The following NCOA7 variants were observed in gnomAD, a reference collection of about 807,000 sequenced individuals.
NCOA7 encodes the protein 140 kDa estrogen receptor-associated protein.
A neutral mutation model predicts 104.3 loss-of-function variants in NCOA7; 45 were observed. The observed-to-expected ratio is 0.43, with a 90% CI of 0.34 to 0.55. NCOA7 has a LOEUF of 0.55. Among genes scored for constraint, NCOA7 ranks in the 20% least tolerant of loss-of-function variants. The pLI is 0.02. For missense variants in NCOA7, 1,041 were observed against 1,119.7 expected, an observed-to-expected ratio of 0.93 and a Z score of 1.00; for synonymous variants, 398 against 402.3, an observed-to-expected ratio of 0.99 and a Z score of 0.13.
chr6:125,836,515 C>T (rs1189747813), intron 2 of NCOA7, among the ~76,000 whole-genome samples: 1 of 152,194 alleles, frequency 6.6e-6, no homozygotes, highest in African/African-American at 2.4e-5. Flanking sequence ...TTATTTTCCC[C>T]CATCTGATAA....
chr6:125,924,675 G>A (rs1787870354), intron 13 of NCOA7, among the ~76,000 whole-genome samples: 1 of 152,204 alleles, frequency 6.6e-6, no homozygotes, highest in South Asian at 2.1e-4. Context: ...CTAAGCCAGT[G>A]AGGGAATATT....
In NCOA7 at chr6:125,915,357, T is replaced by C; in HGVS notation, c.2121T>C (p.Phe707=). 1 of 1,613,902 alleles carries C rather than the reference T, an allele frequency of 6.2e-7. No individual in the cohort carries two copies. The highest frequency in any genetic ancestry group is 2.2e-5 in the East Asian group (1 of 44,884). ...RERVDHLYTF[F]VQWSPDVYGK... ...GGGTGGATCATTTGTACACATTCTT[T>C]GTTCAGTGGTCTCCCGATGTCTATG... The change falls in exon 11 of 16, where the codon TTT becomes TTC. Residue 707 remains phenylalanine (F), a synonymous_variant. Coordinates refer to ENST00000392477, the MANE Select transcript of NCOA7 (RefSeq NM_181782.5).
exon 1 of NCOA7, chr6:125,781,229 TA>T (rs1277855634): frequency 4.6e-5 from 7 of 152,266 alleles, no homozygotes; most frequent in African/African-American, 1.7e-4. Flanking sequence ...TCAGCCGTTA[TA>T]GTTGAAGAAA....
rs1005533464 is a variant in NCOA7, at chr6:125,928,879, A to G, written c.*108A>G. 13 of 1,211,778 alleles carry G rather than the reference A, an allele frequency of 1.1e-5. No homozygotes were observed. In the East Asian group the frequency reaches 1.8e-4, roughly 16 times the overall value. The allele number at this position is 1,211,778 out of a possible 1,614,324, so 75.1% of individuals were successfully genotyped here. On this transcript the variant is annotated 3_prime_UTR_variant, in exon 16 of 16. Transcript: ENST00000392477. ...GCCCAGCCTGCCTCATCCCACCCCA[A>G]TGCTTCCTTTCTGCCATCATCTCAG... is the stretch of plus-strand genomic sequence containing the variant.
At chr6:125,834,658 G>A (rs898413784) in intron 2 of NCOA7, among the ~76,000 whole-genome samples, 2 of 152,170 alleles carry the variant, frequency 1.3e-5, no homozygotes, top group Non-Finnish European at 2.9e-5. Context: ...CTGAAGTCTT[G>A]CTGACCTAAA....
intron 1 of NCOA7, among the ~76,000 whole-genome samples, chr6:125,802,627 A>G (rs564395212): frequency 6.6e-6 from 1 of 152,336 alleles, no homozygotes; most frequent in Admixed American, 6.5e-5. Context: ...GCAAAGCATC[A>G]CAGAGCTGCA....
chr6:125,863,605 A>C lies in NCOA7; in HGVS notation c.271+8365A>C. The stretch of plus-strand genomic sequence containing the variant: ...AATTAGAAGTAAACTAGGAAGGATA[A>C]AAGAGGAAAAATACTCTAATTCTGT... On this transcript the variant is annotated intron_variant, in intron 3 of 15. Coordinates refer to ENST00000392477, the MANE Select transcript of NCOA7 (RefSeq NM_181782.5). Among the ~76,000 whole-genome samples the C allele has an allele frequency of 1.4e-5, 2 of 138,328 alleles. 1 individual carries two copies. Among genetic ancestry groups the C allele is most frequent in the Non-Finnish European group, 3.1e-5 (2 of 64,936 alleles). 90.7% of individuals were successfully genotyped at this position (138,328 alleles called of 152,430 possible). A position where few individuals can be genotyped will look rare whatever the true frequency, so the allele number is the denominator to read the frequency against.
At chr6:125,820,497 T>C (rs546779960) in intron 2 of NCOA7, among the ~76,000 whole-genome samples, 7 of 152,374 alleles carry the variant, frequency 4.6e-5, no homozygotes, top group African/African-American at 1.7e-4. Context: ...CCCCTTATTC[T>C]CTTTTCCATG....
chr6:125,795,862 TGAA>T (rs1424718998), intron 1 of NCOA7, among the ~76,000 whole-genome samples: 1 of 152,200 alleles, frequency 6.6e-6, no homozygotes, highest in African/African-American at 2.4e-5. Context: ...AAAAACCTGA[TGAA>T]AGTTCAAGTT....
chr6:125,878,444 T>A, intron 5 of NCOA7, 74 bp downstream of exon 5: 1 of 957,604 alleles, frequency 1.0e-6, no homozygotes, highest in Non-Finnish European at 1.6e-6. Flanking sequence ...AGTGCCTCAC[T>A]ATTGTTTGTC....
chr6:125,901,941 A>G (rs887748816), intron 10 of NCOA7, among the ~76,000 whole-genome samples: 2 of 152,150 alleles, frequency 1.3e-5, no homozygotes, highest in African/African-American at 2.4e-5. Context: ...GTCCCCGACC[A>G]AACTTCTCTC....
intron 1 of NCOA7, among the ~76,000 whole-genome samples, chr6:125,804,071 C>G (rs1378816474): frequency 6.6e-6 from 1 of 152,004 alleles, no homozygotes; most frequent in Non-Finnish European, 1.5e-5. Flanking sequence ...GGCACATATT[C>G]TCTGCAAGGA....
chr6:125,846,492 C>T (rs1780630247), intron 2 of NCOA7, among the ~76,000 whole-genome samples: 1 of 151,854 alleles, frequency 6.6e-6, no homozygotes, highest in African/African-American at 2.4e-5. Flanking sequence ...ACTTAGAAGT[C>T]CCAGGGGGTT....
intron 3 of NCOA7, among the ~76,000 whole-genome samples, chr6:125,870,736 T>G (rs1393968823): frequency 6.6e-6 from 1 of 152,132 alleles, no homozygotes; most frequent in Non-Finnish European, 1.5e-5. Context: ...TGTAAACTTG[T>G]ATTGGGGATT....
chr6:125,820,118 C>G (rs2128578636), intron 2 of NCOA7, among the ~76,000 whole-genome samples: 1 of 152,314 alleles, frequency 6.6e-6, no homozygotes, highest in African/African-American at 2.4e-5. Context: ...CCCACCTCCG[C>G]TTTCCTCTTA....
intron 2 of NCOA7, among the ~76,000 whole-genome samples, chr6:125,821,028 G>C (rs1778126691): frequency 6.6e-6 from 1 of 152,120 alleles, no homozygotes; most frequent in African/African-American, 2.4e-5. Context: ...CTCACCACTT[G>C]AGTGGCTTGA....
intron 1 of NCOA7, among the ~76,000 whole-genome samples, chr6:125,803,983 C>G (rs1305920311): frequency 6.6e-6 from 1 of 151,780 alleles, no homozygotes; most frequent in Non-Finnish European, 1.5e-5. Context: ...TGCATTGGGA[C>G]CCAGTCTAAG....
rs1161782383 is a variant in NCOA7 at position 125,928,864 on chromosome 6, C to G, written c.*93C>G. ...GAAAAAGAAGCCCCAGCCCAGCCTG[C>G]CTCATCCCACCCCAATGCTTCCTTT... On this transcript the variant is annotated 3_prime_UTR_variant, in exon 16 of 16. Coordinates refer to ENST00000392477, the MANE Select transcript of NCOA7 (RefSeq NM_181782.5). 3.5e-5 allele frequency: 47 copies of G among 1,341,908 alleles called. No individual in the cohort carries two copies. The highest frequency in any genetic ancestry group is 4.6e-5 in the Non-Finnish European group (45 of 988,068). 83.1% of individuals were successfully genotyped at this position (1,341,908 alleles called of 1,614,324 possible).
At chr6:125,796,142 G>A (rs983635722) in intron 1 of NCOA7, among the ~76,000 whole-genome samples, 44 of 151,944 alleles carry the variant, frequency 2.9e-4, no homozygotes, top group African/African-American at 1.0e-3. Flanking sequence ...GAAACTTAGT[G>A]TCCCAAGTAG....
Sources: allele counts gnomAD v4.1 joint callset (sites outside exome capture counted in the v4.1 genomes callset), GRCh38; gene constraint gnomAD v4.1.1; transcripts MANE v1.5; gene names NCBI Gene and HGNC (gene_info 2026-07-23, HGNC 2026-07-21).